Variants in SYNM observed in about 807,000 individuals in gnomAD.
SYNM encodes synemin, also known as desmuslin.
Under a neutral mutation model 104.0 loss-of-function variants are expected in SYNM, and 95 were observed. That is an observed-to-expected ratio of 0.91 (90% confidence interval 0.77 to 1.08). The LOEUF (loss-of-function observed/expected upper bound fraction) is 1.08. Ranked by LOEUF, SYNM falls within the 50% of genes least tolerant of loss-of-function variation. The pLI is 0.00. For synonymous variants in SYNM, 918 were observed against 869.0 expected (o/e 1.06, Z -0.99); for missense variants, 2,150 against 2,052.2 (o/e 1.05, Z -0.92).
chr15:99,131,699 G>A lies in SYNM; in HGVS notation c.3339G>A (p.Gln1113=). The A allele has an allele frequency of 6.2e-7, 1 of 1,613,476 alleles. No individual in the cohort carries two copies. Among genetic ancestry groups the A allele is most frequent in the South Asian group, 1.1e-5 (1 of 91,062 alleles). ...VEVSSPTGFA[Q]SQVLEDVSQA... is the part of the protein sequence containing the mutation. ...TCAGCAGCCCCACAGGCTTTGCCCA[G>A]TCACAGGTGCTGGAGGATGTGAGCC... The change falls in exon 4 of 4, where the codon CAG becomes CAA. Residue 1113 remains glutamine, a synonymous_variant. Coordinates refer to ENST00000336292, the MANE Select transcript of SYNM (RefSeq NM_145728.3). The surrounding 1 kb of genome is among the most constrained non-coding windows in gnomAD (Gnocchi z 4.3).
At chr15:99,139,232 A>C (rs543319261), downstream of SYNM, 1 of 1,521,838 alleles carries the variant, frequency 6.6e-7, no homozygotes, top group African/African-American at 1.4e-5. Flanking sequence ...AGAAGGTTAC[A>C]CAGAACCTTC....
rs1298274659 is a variant in SYNM at position 99,133,184 on chromosome 15, A to G, written c.*126A>G. 2 of 1,474,170 alleles carry G rather than the reference A, an allele frequency of 1.4e-6. No individual in the cohort carries two copies. The highest frequency in any genetic ancestry group is 2.8e-5 in the African/African-American group (2 of 70,482). 91.3% of individuals were successfully genotyped at this position (1,474,170 alleles called of 1,614,324 possible). A position where few individuals can be genotyped will look rare whatever the true frequency, so the allele number is the denominator to read the frequency against. On this transcript the variant is annotated 3_prime_UTR_variant, in exon 4 of 4. Coordinates refer to ENST00000336292, the MANE Select transcript of SYNM (RefSeq NM_145728.3). The stretch of plus-strand genomic sequence containing the variant: ...CCCCTTTTTTACTTTTTTAAAGAGT[A>G]CTCCCGGCATGGTCAATTTCCTTTA...
chr15:99,129,281 T>C, intron 3 of SYNM, 86 bp from the exon 4 acceptor site: 1 of 1,519,446 alleles, frequency 6.6e-7, no homozygotes, highest in Non-Finnish European at 8.8e-7. Flanking sequence ...TATGATGGAA[T>C]GGGATTTGGC....
chr15:99,117,087 A>G (rs2151802403), intron 2 of SYNM, among the ~76,000 whole-genome samples: 1 of 124,268 alleles, frequency 8.0e-6, no homozygotes. Flanking sequence ...CCCATAACCC[A>G]AACACCTTCC....
Position 99,124,850 on chromosome 15 carries a change from C to T in SYNM, c.936-1872C>T, listed in dbSNP as rs2067432952. Among the ~76,000 whole-genome samples, 7 of 152,318 alleles carry T rather than the reference C, an allele frequency of 4.6e-5. No individual in the cohort carries two copies. The South Asian group carries it at 1.2e-3, about 27-fold the overall frequency. ...TTCGACGGTGTAAGTACATGAGTGA[C>T]CACAATGCCTGGTGCTCAGTGTCAG... On this transcript the variant is annotated intron_variant, in intron 2 of 3. Coordinates refer to ENST00000336292, the MANE Select transcript of SYNM (RefSeq NM_145728.3).
In SYNM at chr15:99,130,613, G is replaced by T. The variant is rs1443729436; in HGVS notation, c.2253G>T (p.Glu751Asp). Residue 751 changes from glutamate to aspartate, a missense_variant, in exon 4 of 4, where the codon GAG becomes GAT. Physicochemically the swap from Glu to Asp is conservative, Grantham distance 45. Transcript: ENST00000336292. ...AKVVNVEIVE[E>D]PVSYVSGEKP... The stretch of plus-strand genomic sequence containing the variant: ...TCGTCAACGTGGAGATCGTGGAGGA[G>T]CCCGTGAGTTATGTCAGCGGGGAGA... 7 of 1,613,034 alleles carry T rather than the reference G, an allele frequency of 4.3e-6. No individual in the cohort carries two copies. The highest frequency in any genetic ancestry group is 5.9e-6 in the Non-Finnish European group (7 of 1,179,574).
At position 99,130,820 on chromosome 15, in the gene SYNM, G is replaced by C; in HGVS notation, c.2460G>C (p.Glu820Asp). The C allele has an allele frequency of 6.2e-7, 1 of 1,614,036 alleles. No homozygotes were observed. Among genetic ancestry groups the C allele is most frequent in the Non-Finnish European group, 8.5e-7 (1 of 1,179,904 alleles). ...CGACTCACGTGGAAGAAGTGACAGA[G>C]GCAGGTGATTCAGAGGGCGAGCAGA... ...ENTTHVEEVTEAGDSEGEQSY... is the reference protein window; with the variant it reads ...ENTTHVEEVTDAGDSEGEQSY... Residue 820 changes from glutamate to aspartate, a missense_variant, in exon 4 of 4, where the codon GAG (glutamate) becomes GAC (aspartate). Glu to Asp is a conservative substitution (Grantham distance 45). Coordinates refer to ENST00000336292, the MANE Select transcript of SYNM (RefSeq NM_145728.3).
chr15:99,115,644 T>C (rs914145612), intron 2 of SYNM, among the ~76,000 whole-genome samples: 11 of 151,870 alleles, frequency 7.2e-5, no homozygotes, highest in African/African-American at 2.4e-4. Flanking sequence ...GTATTTTTAG[T>C]AGAGACAGGG....
chr15:99,116,672 T>C (rs1454117349), intron 2 of SYNM, among the ~76,000 whole-genome samples: 2 of 141,370 alleles, frequency 1.4e-5, no homozygotes, highest in Non-Finnish European at 3.1e-5. Context: ...GTCAGGTTCT[T>C]TTTTTTTCTT....
intron 3 of SYNM, among the ~76,000 whole-genome samples, chr15:99,127,485 T>C (rs1354680610): frequency 6.6e-6 from 1 of 152,230 alleles, no homozygotes; most frequent in African/African-American, 2.4e-5. Flanking sequence ...AAGTGTCGAT[T>C]AAATTACGTA....
intron 3 of SYNM, among the ~76,000 whole-genome samples, chr15:99,128,378 G>C (rs1555485266): frequency 1.3e-5 from 2 of 152,202 alleles, no homozygotes; most frequent in East Asian, 1.9e-4. Flanking sequence ...CTGCACTATT[G>C]CCTGGGGGTT....
Position 99,133,227 on chromosome 15 carries a change from T to C in SYNM, c.*169T>C. ...TTCCTTTATAGTTAATCCGTAAAGG[T>C]TTCCAGTTAATTCATGCCTTAAAAG... is the stretch of plus-strand genomic sequence containing the variant. On this transcript the variant is annotated 3_prime_UTR_variant, in exon 4 of 4. Transcript: ENST00000336292. The C allele has an allele frequency of 7.3e-7, 1 of 1,369,606 alleles. No individual in the cohort carries two copies. Among genetic ancestry groups the C allele is most frequent in the South Asian group, 1.6e-5 (1 of 63,492 alleles). 84.8% of individuals were successfully genotyped at this position (1,369,606 alleles called of 1,614,324 possible).
At chr15:99,126,549 G>T (rs966457507) in intron 2 of SYNM, among the ~76,000 whole-genome samples, 173 bp from the exon 3 acceptor site, 2 of 152,254 alleles carry the variant, frequency 1.3e-5, no homozygotes, top group African/African-American at 2.4e-5. Flanking sequence ...GCTGAGGCTG[G>T]TGGGTGGGCT....
At chr15:99,113,535 G>A in intron 1 of SYNM, 56 bp from the exon 2 acceptor site, 3 of 1,604,478 alleles carry the variant, frequency 1.9e-6, no homozygotes, top group Non-Finnish European at 1.7e-6. Flanking sequence ...GGTACCTTCA[G>A]TTCGACCCAG....
rs201454977 is a variant in SYNM at position 99,131,966 on chromosome 15, G to T, written c.3606G>T (p.Ser1202=). 3.7e-6 allele frequency: 6 copies of T among 1,613,932 alleles called. No homozygotes were observed. The South Asian group carries it at 5.5e-5, about 15-fold the overall frequency. Residue 1202 remains serine, a synonymous_variant, in exon 4 of 4, where the codon TCG becomes TCT. Transcript: ENST00000336292. This position sits in a 1 kb window ranked among gnomAD's most constrained non-coding sequence, Gnocchi z 4.3. ...PAPACPEAWG[S]PEPGPAESSA... ...CTGCCTGTCCAGAGGCATGGGGCTCGCCAGAACCTGGCCCAGCAGAGTCTT... is the reference window on the plus strand; with the variant it reads ...CTGCCTGTCCAGAGGCATGGGGCTCTCCAGAACCTGGCCCAGCAGAGTCTT...
downstream of SYNM, chr15:99,139,468 C>G: frequency 6.2e-7 from 1 of 1,603,670 alleles, no homozygotes; most frequent in South Asian, 1.1e-5. Flanking sequence ...TAAGGTCTCC[C>G]TTGAATGAGA....
At position 99,105,342 on chromosome 15, in the gene SYNM, G is replaced by A. The variant is rs1555482363; in HGVS notation, c.143G>A (p.Gly48Glu). Residue 48 changes from glycine (G) to glutamate (E), a missense_variant, in exon 1 of 4, where the codon GGG becomes GAG. Transcript: ENST00000336292. ...LLEEELRGRR[G>E]REGLWAEGQA... ...GAGGAGGAGCTGCGCGGCCGGCGCG[G>A]GCGAGAGGGCCTGTGGGCCGAGGGG... The A allele has an allele frequency of 1.6e-5, 25 of 1,538,850 alleles. No individual in the cohort carries two copies. The highest frequency in any genetic ancestry group is 2.2e-5 in the Non-Finnish European group (25 of 1,145,402).
intron 1 of SYNM, among the ~76,000 whole-genome samples, chr15:99,106,622 CA>C (rs1555482838): frequency 6.6e-6 from 1 of 152,228 alleles, no homozygotes; most frequent in Non-Finnish European, 1.5e-5. Context: ...ACGCTGACGT[CA>C]GATCTCTGCG....
chr15:99,114,023 A>G (rs2067323808), intron 2 of SYNM, among the ~76,000 whole-genome samples: 1 of 151,740 alleles, frequency 6.6e-6, no homozygotes, highest in South Asian at 2.1e-4. Context: ...GATCCTAGGA[A>G]CTGGAGACTG....
Sources: allele counts gnomAD v4.1 joint callset (sites outside exome capture counted in the v4.1 genomes callset), GRCh38; gene constraint gnomAD v4.1.1; non-coding constraint Gnocchi (gnomAD v3.1); transcripts MANE v1.5; gene names NCBI Gene and HGNC (gene_info 2026-07-23, HGNC 2026-07-21).